ZPBP: variants seen among roughly 807,000 people sequenced by gnomAD.
The protein encoded by ZPBP is zona pellucida-binding protein 1.
ZPBP carries 26 observed loss-of-function variants against 44.8 expected under a neutral mutation model. The ratio of observed to expected loss-of-function variants is 0.58; its 90% CI spans 0.43 to 0.81. The LOEUF (loss-of-function observed/expected upper bound fraction) is 0.81. ZPBP is among the 30% of genes least tolerant of loss of function. The pLI, the probability that ZPBP is intolerant of heterozygous loss-of-function variation, is 0.00. For synonymous variants in ZPBP, 174 were observed against 153.2 expected, an observed-to-expected ratio of 1.14 and a Z score of -1.00; for missense variants, 409 against 434.0, an observed-to-expected ratio of 0.94 and a Z score of 0.51.
intron 2 of ZPBP, among the ~76,000 whole-genome samples, chr7:50,085,833 G>C (rs1230284105): frequency 6.6e-6 from 1 of 152,068 alleles, no homozygotes; most frequent in Non-Finnish European, 1.5e-5. Context: ...GACTTGTTCT[G>C]AACATTCCTG....
intron 7 of ZPBP, among the ~76,000 whole-genome samples, chr7:49,960,134 C>T (rs1403830196): frequency 6.6e-6 from 1 of 151,970 alleles, no homozygotes; most frequent in African/African-American, 2.4e-5. Context: ...TTAAAAAACA[C>T]AGAGGCCGGG....
intron 7 of ZPBP, among the ~76,000 whole-genome samples, chr7:49,950,191 C>T (rs1308308124): frequency 6.6e-6 from 1 of 151,774 alleles, no homozygotes; most frequent in Admixed American, 6.6e-5. Flanking sequence ...GTGTTATAAT[C>T]ACAAAAGTAG....
intron 6 of ZPBP, among the ~76,000 whole-genome samples, chr7:49,997,271 C>T (rs1476878939): frequency 3.9e-5 from 6 of 152,250 alleles, no homozygotes; most frequent in South Asian, 4.1e-4. Flanking sequence ...CATGTTTCAG[C>T]GAATCAATCA....
intron 7 of ZPBP, among the ~76,000 whole-genome samples, chr7:49,945,437 T>G (rs1795065776): frequency 6.6e-6 from 1 of 152,118 alleles, no homozygotes; most frequent in Non-Finnish European, 1.5e-5. Flanking sequence ...AATGCTGCAC[T>G]GAAAGTAGGG....
At chr7:50,082,034 AC>A in intron 2 of ZPBP, 135 bp from the exon 3 acceptor site, 1 of 972,274 alleles carries the variant, frequency 1.0e-6, no homozygotes, top group Non-Finnish European at 1.5e-6. Context: ...CTTGATAAAA[AC>A]TAAATTTCAT....
chr7:50,048,232 AC>A (rs1357745238), intron 4 of ZPBP, among the ~76,000 whole-genome samples: 3 of 152,120 alleles, frequency 2.0e-5, no homozygotes, highest in Non-Finnish European at 2.9e-5. Context: ...ACAATTATAA[AC>A]ATACAGATAT....
chr7:49,882,621 A>G (rs1791717581), intron 2 of ZPBP, among the ~76,000 whole-genome samples: 1 of 152,124 alleles, frequency 6.6e-6, no homozygotes, highest in African/African-American at 2.4e-5. Context: ...GAAAGGAGGC[A>G]GGGAGAGAGA....
At chr7:50,023,485 A>G (rs1174433093) in intron 5 of ZPBP, among the ~76,000 whole-genome samples, 1 of 152,092 alleles carries the variant, frequency 6.6e-6, no homozygotes, top group Non-Finnish European at 1.5e-5. Flanking sequence ...GATAAACAGT[A>G]AACAAAGCCC....
intron 7 of ZPBP, among the ~76,000 whole-genome samples, chr7:49,938,477 CTCTTA>C (rs750894742): frequency 6.6e-6 from 1 of 152,298 alleles, no homozygotes; most frequent in Non-Finnish European, 1.5e-5. Context: ...ACAGTCAACT[CTCTTA>C]GTTCCACTAT....
intron 1 of ZPBP, among the ~76,000 whole-genome samples, chr7:49,903,072 C>T (rs559799662): frequency 1.3e-5 from 2 of 152,306 alleles, no homozygotes; most frequent in Admixed American, 1.3e-4. Flanking sequence ...TATCACTATA[C>T]ATCAATATAA....
At chr7:49,862,300 C>CTT (rs147122195) in intron 2 of ZPBP, among the ~76,000 whole-genome samples, 2 of 152,004 alleles carry the variant, frequency 1.3e-5, no homozygotes, top group African/African-American at 4.8e-5. Context: ...GAAAAACAGC[C>CTT]TTTTTTTGTG....
At chr7:50,011,263 A>G (rs1277308769) in intron 6 of ZPBP, among the ~76,000 whole-genome samples, 2 of 152,212 alleles carry the variant, frequency 1.3e-5, no homozygotes, top group Non-Finnish European at 2.9e-5. Flanking sequence ...TAAAAATTCT[A>G]CAAGATAACA....
At chr7:50,017,301 T>C (rs1798858389) in intron 6 of ZPBP, among the ~76,000 whole-genome samples, 1 of 152,070 alleles carries the variant, frequency 6.6e-6, no homozygotes, top group African/African-American at 2.4e-5. Context: ...CAATAGCATT[T>C]GCACTCCCAT....
At chr7:50,036,971 T>C (rs1195780121) in intron 4 of ZPBP, among the ~76,000 whole-genome samples, 1 of 151,790 alleles carries the variant, frequency 6.6e-6, no homozygotes, top group Non-Finnish European at 1.5e-5. Flanking sequence ...AATGTACTAA[T>C]TAACAGAAAA....
intron 2 of ZPBP, among the ~76,000 whole-genome samples, chr7:49,868,281 C>T (rs941660027): frequency 6.6e-6 from 1 of 152,138 alleles, no homozygotes; most frequent in Non-Finnish European, 1.5e-5. Flanking sequence ...AGGAAATATA[C>T]GCTGTTTCTT....
intron 6 of ZPBP, among the ~76,000 whole-genome samples, chr7:49,986,525 A>G (rs181340629): frequency 5.5e-4 from 84 of 152,320 alleles, no homozygotes; most frequent in Non-Finnish European, 7.3e-4. Context: ...GCTCTGTTCC[A>G]GCCCCAGGGA....
At chr7:49,926,346 A>G (rs1459246791) in intron 1 of ZPBP, among the ~76,000 whole-genome samples, 1 of 152,184 alleles carries the variant, frequency 6.6e-6, no homozygotes, top group South Asian at 2.1e-4. Flanking sequence ...TCCTTCTTCT[A>G]CTACCTGCAG....
chr7:50,084,426 G>A (rs139685352), intron 2 of ZPBP, among the ~76,000 whole-genome samples: 1 of 149,918 alleles, frequency 6.7e-6, no homozygotes, highest in African/African-American at 2.4e-5. Context: ...TCAACAAAAT[G>A]TAAATAAAGG....
At chr7:49,852,413 G>A (rs1056817827) in intron 2 of ZPBP, among the ~76,000 whole-genome samples, 1 of 152,244 alleles carries the variant, frequency 6.6e-6, no homozygotes, top group Non-Finnish European at 1.5e-5. Flanking sequence ...TTAACAAGGT[G>A]ACCGGTGCTG....
Sources: allele counts gnomAD v4.1 joint callset (sites outside exome capture counted in the v4.1 genomes callset), GRCh38; gene constraint gnomAD v4.1.1; transcripts MANE v1.5; gene names NCBI Gene and HGNC (gene_info 2026-07-23, HGNC 2026-07-21).